The following RBBP4 variants were observed in gnomAD, a reference collection of about 807,000 sequenced individuals.
RBBP4 encodes histone-binding protein RBBP4.
Under a neutral mutation model 57.2 loss-of-function variants are expected in RBBP4, and 3 were observed. That is an observed-to-expected ratio of 0.05 (90% CI 0.02 to 0.14). The LOEUF (loss-of-function observed/expected upper bound fraction) is 0.14. Among genes scored for constraint, RBBP4 ranks in the 10% least tolerant of loss-of-function variants. The probability of loss-of-function intolerance (pLI) is 1.00; values close to 1 mark genes in which losing one functional copy is unlikely to be tolerated. For synonymous variants in RBBP4, 151 were observed against 171.5 expected (o/e 0.88, Z 0.93); for missense variants, 107 against 520.6 (o/e 0.21, Z 7.73).
In RBBP4 at chr1:32,681,411, A is replaced by G. The variant is rs1457333078; in HGVS notation, c.*1706A>G. Reference sequence around the variant, plus strand: ...GTGGCACAAAAGAATGGAAATTGTAAACCCATGTAATGGAAATTGGCTATC... The same window carrying G: ...GTGGCACAAAAGAATGGAAATTGTAGACCCATGTAATGGAAATTGGCTATC... On this transcript the variant is annotated 3_prime_UTR_variant, in exon 12 of 12. Transcript: ENST00000373493. The G allele has an allele frequency of 1.2e-5, 2 of 169,014 alleles. No homozygotes were observed. The highest frequency in any genetic ancestry group is 3.3e-4 in the East Asian group (2 of 6,104). 10.5% of individuals were successfully genotyped at this position (169,014 alleles called of 1,614,324 possible).
chr1:32,667,457 CT>C (rs1489621192), intron 3 of RBBP4, among the ~76,000 whole-genome samples: 1 of 152,130 alleles, frequency 6.6e-6, no homozygotes, highest in Non-Finnish European at 1.5e-5. Flanking sequence ...ACCTCGCCCC[CT>C]TGTCTTGTAT....
At chr1:32,673,011 A>G in intron 11 of RBBP4, 110 bp downstream of exon 11, 1 of 873,562 alleles carries the variant, frequency 1.1e-6, no homozygotes, top group South Asian at 1.7e-5. Context: ...TTTTACTCCC[A>G]GGTGTGATTT....
At position 32,673,425 on chromosome 1, in the gene RBBP4, C is replaced by A. The variant is rs1267336001; in HGVS notation, c.1212+524C>A. 6 of 388,966 alleles carry A rather than the reference C, an allele frequency of 1.5e-5. No individual in the cohort carries two copies. In the East Asian group the frequency reaches 3.4e-4, roughly 22 times the overall value. The allele number at this position is 388,966 out of a possible 1,614,324, so 24.1% of individuals were successfully genotyped here. ...ATCTCTATCTCAAAGAATGTGAACA[C>A]CCTCCTTAAATTTTCTCTTTTTTTT... On this transcript the variant is annotated intron_variant, in intron 11 of 11. Transcript: ENST00000373493.
intron 8 of RBBP4, among the ~76,000 whole-genome samples, chr1:32,670,403 C>T (rs1236115432): frequency 6.6e-6 from 1 of 152,028 alleles, no homozygotes; most frequent in African/African-American, 2.4e-5. Context: ...TATTGGAACG[C>T]TAAGCATGTG....
chr1:32,667,284 GAA>G (rs1164515560), intron 3 of RBBP4, among the ~76,000 whole-genome samples: 11 of 152,212 alleles, frequency 7.2e-5, no homozygotes, highest in African/African-American at 2.7e-4. Flanking sequence ...AAAAAATAGT[GAA>G]AGTCTTAAAG....
In RBBP4 at chr1:32,685,544, C is replaced by G. The variant is rs1649763866; in HGVS notation, c.*5839C>G. On this transcript the variant is annotated 3_prime_UTR_variant, in exon 12 of 12. Transcript: ENST00000373493. ...TAGATAATTTGTCCTCTGAGTCATA[C>G]TTGACATTGTACCTGTGGCACATCA... 1 of 152,222 alleles carries G rather than the reference C, an allele frequency of 6.6e-6. No individual in the cohort carries two copies. Among genetic ancestry groups the G allele is most frequent in the Non-Finnish European group, 1.5e-5 (1 of 68,042 alleles). 9.4% of individuals were successfully genotyped at this position (152,222 alleles called of 1,614,324 possible). A position where few individuals can be genotyped will look rare whatever the true frequency, so the allele number is the denominator to read the frequency against.
intron 2 of RBBP4, among the ~76,000 whole-genome samples, chr1:32,655,683 T>A (rs1322377839): frequency 6.6e-6 from 1 of 152,202 alleles, no homozygotes; most frequent in African/African-American, 2.4e-5. Flanking sequence ...TGACATGTTG[T>A]AAATGGAATT....
At chr1:32,651,888 C>G in intron 1 of RBBP4, 26 bp from the exon 2 acceptor site, 1 of 1,611,124 alleles carries the variant, frequency 6.2e-7, no homozygotes, top group East Asian at 2.2e-5. Context: ...TGTTTGCTAA[C>G]TTAAATTTGT....
intron 3 of RBBP4, among the ~76,000 whole-genome samples, chr1:32,663,506 C>A (rs1297317186): frequency 1.3e-5 from 2 of 151,946 alleles, no homozygotes; most frequent in Non-Finnish European, 2.9e-5. Context: ...GTGGTGTGAT[C>A]ACAGCTCACT....
Position 32,680,938 on chromosome 1 carries a change from G to A in RBBP4, c.*1233G>A, listed in dbSNP as rs371155897. 5 of 179,252 alleles carry A rather than the reference G, an allele frequency of 2.8e-5. No individual in the cohort carries two copies. The highest frequency in any genetic ancestry group is 5.8e-5 in the Non-Finnish European group (5 of 86,154). 11.1% of individuals were successfully genotyped at this position (179,252 alleles called of 1,614,324 possible). A position where few individuals can be genotyped will look rare whatever the true frequency, so the allele number is the denominator to read the frequency against. On this transcript the variant is annotated 3_prime_UTR_variant, in exon 12 of 12. Coordinates refer to ENST00000373493, the MANE Select transcript of RBBP4 (RefSeq NM_005610.3). ...TACATGGACTTCCAAGAGTGTCAAA[G>A]GCAGTGTGGTAGAGAGAATTTAAGG...
chr1:32,660,426 A>ATTTTTATTTATTTT (rs1553194488), intron 3 of RBBP4, among the ~76,000 whole-genome samples: 52 of 14,634 alleles, frequency 3.6e-3, no homozygotes, highest in Admixed American at 4.7e-3. Flanking sequence ...TTATTTATTT[A>ATTTTTATTTATTTT]TTTTTTTTGA....
intron 2 of RBBP4, among the ~76,000 whole-genome samples, chr1:32,653,641 T>TTTTG (rs1647996391): frequency 1.5e-4 from 3 of 19,940 alleles, no homozygotes; most frequent in Admixed American, 5.6e-4. Flanking sequence ...TTTCTGGTTT[T>TTTTG]TTTTTTTTTT....
At chr1:32,666,352 T>G (rs1458021829) in intron 3 of RBBP4, among the ~76,000 whole-genome samples, 1 of 127,966 alleles carries the variant, frequency 7.8e-6, no homozygotes, top group African/African-American at 2.7e-5. Flanking sequence ...CTTTGAAATT[T>G]GAAAACTTTA....
rs1648002017 is a variant in RBBP4, at chr1:32,653,654, TTTTTTGTTTTTG to T, written c.164+1599_164+1610del. ...GTTTTCTGGTTTTTTTTTTTTTTTT[TTTTTTGTTTTTG>T]TTTTTTTTTTTGAGACGGAGTCTCC... On this transcript the variant is annotated intron_variant, in intron 2 of 11. Coordinates refer to ENST00000373493, the MANE Select transcript of RBBP4 (RefSeq NM_005610.3). Among the ~76,000 whole-genome samples, 25 of 50,976 alleles carry T rather than the reference TTTTTTGTTTTTG, an allele frequency of 4.9e-4. 2 individuals carry two copies. The highest frequency in any genetic ancestry group is 8.2e-4 in the African/African-American group (9 of 10,986). 33.4% of individuals were successfully genotyped at this position (50,976 alleles called of 152,430 possible).
intron 11 of RBBP4, 128 bp downstream of exon 11, chr1:32,673,029 T>A: frequency 1.3e-6 from 1 of 748,378 alleles, no homozygotes; most frequent in Non-Finnish European, 2.2e-6. Flanking sequence ...TTTTAAGACT[T>A]GTCTATACAT....
intron 2 of RBBP4, among the ~76,000 whole-genome samples, chr1:32,656,106 T>G (rs1648128587): frequency 6.6e-6 from 1 of 152,212 alleles, no homozygotes. Flanking sequence ...CTTTCCCATA[T>G]CAGAAGTCAG....
intron 11 of RBBP4, among the ~76,000 whole-genome samples, chr1:32,673,130 TCTC>T (rs1374259736): frequency 1.3e-5 from 2 of 152,048 alleles, no homozygotes; most frequent in African/African-American, 4.8e-5. Flanking sequence ...CTCTCCCACT[TCTC>T]CTTTTCCCTC....
intron 11 of RBBP4, among the ~76,000 whole-genome samples, chr1:32,677,355 C>T (rs1055857912): frequency 1.3e-5 from 2 of 151,970 alleles, no homozygotes; most frequent in African/African-American, 4.8e-5. Context: ...GATTGGTGAA[C>T]AACTCGACAT....
chr1:32,671,503 A>T (rs551935809), intron 8 of RBBP4, among the ~76,000 whole-genome samples: 1 of 152,216 alleles, frequency 6.6e-6, no homozygotes, highest in South Asian at 2.1e-4. Context: ...GAATCGCTTG[A>T]ACATGGGAGG....
Sources: gnomAD v4.1 joint callset for allele counts (sites outside exome capture counted in the v4.1 genomes callset) on GRCh38, gnomAD v4.1.1 for gene constraint, MANE v1.5 for transcripts, NCBI Gene and HGNC (gene_info 2026-07-23, HGNC 2026-07-21) for gene names.